Variants in STK10 observed in about 807,000 individuals in gnomAD.
STK10 encodes serine/threonine-protein kinase 10.
Under a neutral mutation model 113.8 loss-of-function variants are expected in STK10, and 78 were observed. That is an observed-to-expected ratio of 0.69 (90% confidence interval 0.57 to 0.83). STK10 has a LOEUF of 0.83. Ranked by LOEUF, STK10 falls within the 40% of genes least tolerant of loss-of-function variation. The pLI is 0.00. For missense variants in STK10, 1,109 were observed against 1,280.1 expected (o/e 0.87, Z 2.04); for synonymous variants, 465 against 494.7 (o/e 0.94, Z 0.80).
At chr5:172,185,188 A>G (rs1770931945) in intron 1 of STK10, among the ~76,000 whole-genome samples, 1 of 152,176 alleles carries the variant, frequency 6.6e-6, no homozygotes, top group Non-Finnish European at 1.5e-5. Context: ...AACCCTGTGA[A>G]GCCAGGACAC....
intron 2 of STK10, among the ~76,000 whole-genome samples, chr5:172,134,745 C>CAAAA (rs33933488): frequency 7.6e-6 from 1 of 132,268 alleles, no homozygotes; most frequent in African/African-American, 2.9e-5. Flanking sequence ...CTCATATTTA[C>CAAAA]AAAAAAAAAA....
chr5:172,091,047 C>G (rs1768692145), intron 9 of STK10, among the ~76,000 whole-genome samples: 1 of 151,726 alleles, frequency 6.6e-6, no homozygotes, highest in Non-Finnish European at 1.5e-5. Flanking sequence ...GCCTCAGCTT[C>G]CTCACCTGTT....
At chr5:172,070,929 G>A (rs1404450463) in intron 12 of STK10, among the ~76,000 whole-genome samples, 1 of 151,968 alleles carries the variant, frequency 6.6e-6, no homozygotes, top group Admixed American at 6.6e-5. Flanking sequence ...TACTTAAGAA[G>A]AAACAGGCCA....
At chr5:172,140,455 C>G (rs10075007) in intron 2 of STK10, among the ~76,000 whole-genome samples, 15,029 of 152,144 alleles carry the variant, frequency 0.099, 2,490 homozygotes, top group African/African-American at 0.34. Flanking sequence ...CCGTCACTTT[C>G]GGAGGCCGAG....
chr5:172,056,603 C>G (rs1767765614), intron 15 of STK10, among the ~76,000 whole-genome samples: 2 of 152,126 alleles, frequency 1.3e-5, no homozygotes, highest in Non-Finnish European at 2.9e-5. Context: ...CACAGTGGCT[C>G]ACGCCTGTAA....
At chr5:172,078,726 T>C (rs1768364717) in intron 12 of STK10, among the ~76,000 whole-genome samples, 1 of 151,012 alleles carries the variant, frequency 6.6e-6, no homozygotes, top group South Asian at 2.1e-4. Context: ...AAAAAGATAT[T>C]TGAAAAAACT....
chr5:172,118,769 C>T (rs1361307380), intron 3 of STK10, among the ~76,000 whole-genome samples: 1 of 151,484 alleles, frequency 6.6e-6, no homozygotes, highest in Non-Finnish European at 1.5e-5. Flanking sequence ...ATCACAGCTA[C>T]TCAGGAGGCT....
At chr5:172,180,066 T>C (rs1385893289) in intron 1 of STK10, among the ~76,000 whole-genome samples, 1 of 152,238 alleles carries the variant, frequency 6.6e-6, no homozygotes, top group African/African-American at 2.4e-5. Flanking sequence ...GAATTGGCTC[T>C]CAGCAATAGC....
At chr5:172,119,756 C>G (rs111361695) in intron 3 of STK10, among the ~76,000 whole-genome samples, 1 of 141,332 alleles carries the variant, frequency 7.1e-6, no homozygotes, top group Non-Finnish European at 1.5e-5. Context: ...CCCAGCTACT[C>G]GGGAGGCTGA....
intron 8 of STK10, 107 bp downstream of exon 8, chr5:172,096,319 A>G: frequency 1.3e-6 from 2 of 1,529,680 alleles, no homozygotes; most frequent in Non-Finnish European, 1.8e-6. Context: ...CTGGCAATAA[A>G]TTGCCTGAGC....
At chr5:172,091,973 G>C (rs1012927781) in intron 9 of STK10, among the ~76,000 whole-genome samples, 2 of 151,626 alleles carry the variant, frequency 1.3e-5, no homozygotes, top group Non-Finnish European at 1.5e-5. Context: ...TGAGTCGAGA[G>C]GGGCAGACTG....
At chr5:172,180,090 G>A (rs1333193633) in intron 1 of STK10, among the ~76,000 whole-genome samples, 1 of 152,210 alleles carries the variant, frequency 6.6e-6, no homozygotes, top group Admixed American at 6.5e-5. Context: ...AGACAAAGGG[G>A]ACCTGTATTA....
At chr5:172,164,301 T>C (rs1255587967) in intron 1 of STK10, among the ~76,000 whole-genome samples, 5 of 151,400 alleles carry the variant, frequency 3.3e-5, no homozygotes, top group Middle Eastern at 3.5e-3. Flanking sequence ...CAGCTGAGAC[T>C]GCTGCAAGCT....
At chr5:172,077,705 C>T (rs1768341982) in intron 12 of STK10, among the ~76,000 whole-genome samples, 1 of 151,410 alleles carries the variant, frequency 6.6e-6, no homozygotes, top group Non-Finnish European at 1.5e-5. Context: ...ACACCAATTG[C>T]TGTAATACTG....
At chr5:172,154,777 C>A (rs938499235) in intron 2 of STK10, among the ~76,000 whole-genome samples, 1 of 152,216 alleles carries the variant, frequency 6.6e-6, no homozygotes, top group Non-Finnish European at 1.5e-5. Flanking sequence ...CTGCCACTTG[C>A]TAGCTGTGTG....
At chr5:172,078,692 C>T (rs909528499) in intron 12 of STK10, among the ~76,000 whole-genome samples, 1 of 131,614 alleles carries the variant, frequency 7.6e-6, no homozygotes, top group Non-Finnish European at 1.6e-5. Context: ...TCCATGAAAA[C>T]TTCTTGAAGA....
chr5:172,167,299 AC>A (rs1490150852), intron 1 of STK10, among the ~76,000 whole-genome samples: 1 of 152,234 alleles, frequency 6.6e-6, no homozygotes, highest in Non-Finnish European at 1.5e-5. Context: ...ATATTAAGTA[AC>A]CCTTAAATGA....
At chr5:172,182,371 TTTTTGTTTTG>T (rs1183656441) in intron 1 of STK10, among the ~76,000 whole-genome samples, 1 of 151,650 alleles carries the variant, frequency 6.6e-6, no homozygotes, top group South Asian at 2.1e-4. Context: ...AATTTTCTAT[TTTTTGTTTTG>T]TTTTGTTTTG....
In STK10 at chr5:172,057,449, A is replaced by G. The variant is rs1581133811; in HGVS notation, c.2237T>C (p.Met746Thr). The G allele has an allele frequency of 2.6e-6, 4 of 1,550,326 alleles. No individual in the cohort carries two copies. The highest frequency in any genetic ancestry group is 2.0e-5 in the Admixed American group (1 of 51,034). Residue 746 changes from methionine to threonine, a missense_variant, in exon 15 of 19, where the codon ATG becomes ACG. By Grantham distance (81) the Met-to-Thr change is moderately conservative (BLOSUM62 -1). This residue lies in a region of STK10 where 885 missense variants were observed against 991.1 expected (regional missense o/e 0.89). Transcript: ENST00000176763. ...LRDREAALWE[M>T]EEHQLQERHQ... ...CCTCTCCTGCAGCTGGTGCTCTTCC[A>G]TCTCCCACAGGGCTGCTTCCCGGTC...
Sources: allele counts gnomAD v4.1 joint callset (sites outside exome capture counted in the v4.1 genomes callset), GRCh38; gene constraint gnomAD v4.1.1; regional missense constraint gnomAD v4.1.1; transcripts MANE v1.5; gene names NCBI Gene and HGNC (gene_info 2026-07-23, HGNC 2026-07-21).